CDH4: variants seen among roughly 807,000 people sequenced by gnomAD.
The protein encoded by CDH4 is cadherin 4.
In CDH4, 33 loss-of-function variants were observed where a neutral mutation model predicts 86.0. That is an observed-to-expected ratio of 0.38 (90% confidence interval 0.29 to 0.51). CDH4 has a LOEUF of 0.51. Ranked by LOEUF, CDH4 falls within the 20% of genes least tolerant of loss-of-function variation. The pLI, the probability that CDH4 is intolerant of heterozygous loss-of-function variation, is 0.86. For synonymous variants in CDH4, 555 were observed against 549.4 expected, an observed-to-expected ratio of 1.01 and a Z score of -0.14; for missense variants, 1,114 against 1,307.4, an observed-to-expected ratio of 0.85 and a Z score of 2.28.
At chr20:61,741,343 T>G (rs1362535996) in intron 2 of CDH4, among the ~76,000 whole-genome samples, 1 of 152,192 alleles carries the variant, frequency 6.6e-6, no homozygotes, top group Non-Finnish European at 1.5e-5. Flanking sequence ...CCAGGGTCTC[T>G]CCGGCAGGGA....
rs931580485 is a variant in CDH4 at position 61,516,717 on chromosome 20, C to A, written c.170-226846C>A. On this transcript the variant is annotated intron_variant, in intron 2 of 15. Coordinates refer to ENST00000614565, the MANE Select transcript of CDH4 (RefSeq NM_001794.5). This position sits in a 1 kb window ranked among gnomAD's most constrained non-coding sequence, Gnocchi z 4.0. ...CACAGGCTCAGGGTGCAATGTCAAACCGCGGCCCTGCCCGAGAGCAGGCAC... is the reference window on the plus strand; with the variant it reads ...CACAGGCTCAGGGTGCAATGTCAAAACGCGGCCCTGCCCGAGAGCAGGCAC... Among the ~76,000 whole-genome samples the A allele has an allele frequency of 2.6e-5, 4 of 152,230 alleles. No individual in the cohort carries two copies. Among genetic ancestry groups the A allele is most frequent in the Non-Finnish European group, 4.4e-5 (3 of 68,040 alleles).
intron 2 of CDH4, among the ~76,000 whole-genome samples, chr20:61,404,096 G>A (rs2085065542): frequency 6.6e-6 from 1 of 152,186 alleles, no homozygotes; most frequent in African/African-American, 2.4e-5. Flanking sequence ...CTGGGCACTG[G>A]GCAAGGAGAC....
intron 8 of CDH4, among the ~76,000 whole-genome samples, chr20:61,897,091 T>C (rs1282586039): frequency 1.3e-5 from 2 of 152,186 alleles, no homozygotes; most frequent in Admixed American, 6.5e-5. Flanking sequence ...GAATTCTGCA[T>C]TTGACTCAAG....
rs761814219 is a variant in CDH4, at chr20:61,929,653, G to A, written c.2050G>A (p.Gly684Arg). ...CTTGCGCATCCTGTACCTGGAGGCC[G>A]GGATGTATGACGTCCCCATCATCGT... ...LSLRILYLEA[G>R]MYDVPIIVTD... Residue 684 changes from glycine (G) to arginine (R), a missense_variant, in exon 13 of 16, where the codon GGG (glycine) becomes AGG (arginine). Gly to Arg is a moderately radical substitution (Grantham distance 125). Around this residue, in one of 3 missense-constraint regions of CDH4, gnomAD observed 705 missense variants for 914.1 expected, o/e 0.77. Transcript: ENST00000614565. 68 of 1,613,982 alleles carry A rather than the reference G, an allele frequency of 4.2e-5. No individual in the cohort carries two copies. Among genetic ancestry groups the A allele is most frequent in the South Asian group, 6.6e-5 (6 of 91,088 alleles).
chr20:61,310,135 C>T (rs1352691869), intron 2 of CDH4, among the ~76,000 whole-genome samples: 1 of 152,148 alleles, frequency 6.6e-6, no homozygotes. Context: ...AAGATGGTGC[C>T]ACCTGGAACC....
chr20:61,505,058 C>T (rs1357426072), intron 2 of CDH4, among the ~76,000 whole-genome samples: 1 of 152,192 alleles, frequency 6.6e-6, no homozygotes. Flanking sequence ...AGATGTAGGG[C>T]TGGAGGCTGT....
chr20:61,652,941 T>TATTTTTTA (rs200208714), intron 2 of CDH4, among the ~76,000 whole-genome samples: 3 of 116,030 alleles, frequency 2.6e-5, no homozygotes, highest in African/African-American at 8.8e-5. Flanking sequence ...TTTATTTATT[T>TATTTTTTA]TTTTTTTTTT....
chr20:61,741,625 G>A (rs2088337226), intron 2 of CDH4, among the ~76,000 whole-genome samples: 1 of 152,088 alleles, frequency 6.6e-6, no homozygotes, highest in African/African-American at 2.4e-5. Context: ...CCGAGTAGCT[G>A]GGACTACAGG....
rs371041749 is a variant in CDH4 at position 61,499,487 on chromosome 20, A to G, written c.170-244076A>G. The G allele has an allele frequency of 1.0e-4, 133 of 1,289,108 alleles. No homozygotes were observed. In the African/African-American group the frequency reaches 1.8e-3, roughly 18 times the overall value. 79.9% of individuals were successfully genotyped at this position (1,289,108 alleles called of 1,614,324 possible). A position where few individuals can be genotyped will look rare whatever the true frequency, so the allele number is the denominator to read the frequency against. ...AGCGCCTCCTTTCTACCCTGCTTTA[A>G]AGAAGGCAAGTGTGAGTGTGCTAGG... On this transcript the variant is annotated intron_variant, in intron 2 of 15. Coordinates refer to ENST00000614565, the MANE Select transcript of CDH4 (RefSeq NM_001794.5).
At chr20:61,778,378 AGAG>A (rs1311349985) in intron 4 of CDH4, among the ~76,000 whole-genome samples, 1 of 152,296 alleles carries the variant, frequency 6.6e-6, no homozygotes. Context: ...AACGAGCGGG[AGAG>A]GAGGAGGCAG....
chr20:61,651,378 C>A (rs983806399), intron 2 of CDH4, among the ~76,000 whole-genome samples: 6 of 152,232 alleles, frequency 3.9e-5, no homozygotes, highest in African/African-American at 1.4e-4. Context: ...AGGCACATGT[C>A]CCAGCCCCGA....
At chr20:61,426,514 T>G (rs994018595) in intron 2 of CDH4, among the ~76,000 whole-genome samples, 1 of 152,214 alleles carries the variant, frequency 6.6e-6, no homozygotes, top group African/African-American at 2.4e-5. Context: ...CTTCAGCAAC[T>G]GCAGAAGACG....
rs927926639 is a variant in CDH4, at chr20:61,392,064, G to A, written c.169+137127G>A. Among the ~76,000 whole-genome samples, 3 of 152,082 alleles carry A rather than the reference G, an allele frequency of 2.0e-5. No homozygotes were observed. Among genetic ancestry groups the A allele is most frequent in the South Asian group, 2.1e-4 (1 of 4,804 alleles). ...CCTTCCCCCGCCTCGCTTGCCGTGG[G>A]TTTCAGCATCGCGGGGGCTGTGGAG... On this transcript the variant is annotated intron_variant, in intron 2 of 15. Coordinates refer to ENST00000614565, the MANE Select transcript of CDH4 (RefSeq NM_001794.5). The surrounding 1 kb of genome is among the most constrained non-coding windows in gnomAD (Gnocchi z 5.7).
chr20:61,550,352 G>A (rs2086120751), intron 2 of CDH4, among the ~76,000 whole-genome samples: 1 of 151,604 alleles, frequency 6.6e-6, no homozygotes, highest in Admixed American at 6.6e-5. Context: ...CTGCTTCCCT[G>A]GCCTCCCTGC....
intron 3 of CDH4, among the ~76,000 whole-genome samples, chr20:61,757,207 G>A (rs918216296): frequency 3.8e-4 from 57 of 151,896 alleles, no homozygotes; most frequent in African/African-American, 1.3e-3. Flanking sequence ...GTATCTCCAC[G>A]CGTGTTTCTC....
intron 8 of CDH4, among the ~76,000 whole-genome samples, chr20:61,900,865 A>C (rs1370173254): frequency 6.6e-6 from 1 of 152,202 alleles, no homozygotes; most frequent in Non-Finnish European, 1.5e-5. Flanking sequence ...GTGTGTGAGG[A>C]CCGAATATTC....
At chr20:61,692,227 ATG>A (rs1233116905) in intron 2 of CDH4, among the ~76,000 whole-genome samples, 5 of 135,830 alleles carry the variant, frequency 3.7e-5, no homozygotes, top group Non-Finnish European at 8.3e-5. Context: ...GTATGTGTGT[ATG>A]TGTGTGTATG....
chr20:61,404,079 C>T (rs541015519), intron 2 of CDH4, among the ~76,000 whole-genome samples: 1 of 152,260 alleles, frequency 6.6e-6, no homozygotes, highest in Non-Finnish European at 1.5e-5. Context: ...GCTTGGACTC[C>T]CAGGAGCTGG....
chr20:61,381,171 C>T (rs1053971991), intron 2 of CDH4, among the ~76,000 whole-genome samples: 8 of 152,226 alleles, frequency 5.3e-5, no homozygotes, highest in Middle Eastern at 3.4e-3. Context: ...GGGGTGCCTG[C>T]GCTCCTTAAT....
Sources: gnomAD v4.1 joint callset for allele counts (sites outside exome capture counted in the v4.1 genomes callset) on GRCh38, gnomAD v4.1.1 for gene constraint, gnomAD v4.1.1 regional missense constraint, Gnocchi (gnomAD v3.1) non-coding constraint, MANE v1.5 for transcripts, NCBI Gene and HGNC (gene_info 2026-07-23, HGNC 2026-07-21) for gene names.